The following SSPN variants were observed in gnomAD, a reference collection of about 807,000 sequenced individuals.
SSPN encodes the protein sarcospan, also known as K-ras oncogene-associated protein.
In SSPN, 15 loss-of-function variants were observed where a neutral mutation model predicts 19.1. That is an observed-to-expected ratio of 0.78 (90% CI 0.52 to 1.21). SSPN has a LOEUF of 1.21. Ranked by LOEUF, SSPN falls within the 50% of genes most tolerant of loss-of-function variation. The pLI is 0.00. For missense variants in SSPN, 291 were observed against 314.0 expected, an observed-to-expected ratio of 0.93 and a Z score of 0.55; for synonymous variants, 147 against 140.3, an observed-to-expected ratio of 1.05 and a Z score of -0.34.
intron 1 of SSPN, among the ~76,000 whole-genome samples, chr12:26,201,481 A>C (rs539157075): frequency 6.6e-6 from 1 of 152,250 alleles, no homozygotes; most frequent in African/African-American, 2.4e-5. Flanking sequence ...CAAAATCATT[A>C]GATGTTCAGA....
Position 26,144,386 on chromosome 12 carries a change from G to T in SSPN, c.-31+22234G>T, listed in dbSNP as rs112465554. Among the ~76,000 whole-genome samples, 741 of 152,316 alleles carry T rather than the reference G, an allele frequency of 4.9e-3. 7 individuals are homozygous for T. Among genetic ancestry groups the T allele is most frequent in the African/African-American group, 0.017 (707 of 41,578 alleles). On this transcript the variant is annotated intron_variant, in intron 1 of 2. Coordinates refer to the SSPN transcript ENST00000538142. ...AGTAAAAGACCCAGAGGAGAGTTTG[G>T]TGCCTAAACTAGGAGAGTTTTAAGA...
intron 1 of SSPN, among the ~76,000 whole-genome samples, chr12:26,186,330 G>A (rs775921683): frequency 1.4e-4 from 22 of 152,122 alleles, no homozygotes; most frequent in Non-Finnish European, 2.9e-4. Context: ...GTTAATAAAA[G>A]AGCAACAAAA....
At chr12:26,188,873 G>A (rs187048802) in intron 1 of SSPN, among the ~76,000 whole-genome samples, 116 of 152,142 alleles carry the variant, frequency 7.6e-4, no homozygotes, top group African/African-American at 2.2e-3. Flanking sequence ...ACACAGCACT[G>A]TATTCTCGTA....
chr12:26,123,920 A>G (rs915201200), intron 1 of SSPN: 1 of 740,704 alleles, frequency 1.4e-6, no homozygotes, highest in Non-Finnish European at 2.3e-6. Context: ...AGCTGGGAGC[A>G]CCTACTCCAG....
chr12:26,230,349 A>T (rs1945216496), intron 2 of SSPN, among the ~76,000 whole-genome samples: 1 of 152,208 alleles, frequency 6.6e-6, no homozygotes, highest in African/African-American at 2.4e-5. Flanking sequence ...GAAGTTCTTG[A>T]GTTCAAAATA....
At chr12:26,228,910 C>G (rs1945203820) in intron 2 of SSPN, among the ~76,000 whole-genome samples, 1 of 152,102 alleles carries the variant, frequency 6.6e-6, no homozygotes, top group Non-Finnish European at 1.5e-5. Context: ...CTTTGGGAGG[C>G]TGAGGTGGGA....
intron 1 of SSPN, chr12:26,123,101 G>A (rs1405607875): frequency 3.7e-6 from 6 of 1,608,192 alleles, no homozygotes; most frequent in Non-Finnish European, 5.1e-6. Context: ...CTTCTTTGGC[G>A]CATGTTTGAA....
At chr12:26,155,744 A>G (rs1944552259) in intron 1 of SSPN, among the ~76,000 whole-genome samples, 1 of 152,244 alleles carries the variant, frequency 6.6e-6, no homozygotes, top group Admixed American at 6.5e-5. Flanking sequence ...GCTAACATTA[A>G]TGGCCACTTA....
chr12:26,131,224 A>C (rs989408351), intron 1 of SSPN, among the ~76,000 whole-genome samples: 1 of 152,208 alleles, frequency 6.6e-6, no homozygotes, highest in Admixed American at 6.5e-5. Flanking sequence ...AATTGCACAA[A>C]CTTAACTAAC....
At chr12:26,198,078 G>A (rs1014475474) in intron 1 of SSPN, among the ~76,000 whole-genome samples, 4 of 148,888 alleles carry the variant, frequency 2.7e-5, no homozygotes, top group Non-Finnish European at 6.1e-5. Context: ...AAAAGATAAC[G>A]AGGCAGATGG....
At chr12:26,168,778 A>G (rs1053279556) in intron 1 of SSPN, among the ~76,000 whole-genome samples, 1 of 152,216 alleles carries the variant, frequency 6.6e-6, no homozygotes, top group Non-Finnish European at 1.5e-5. Context: ...GGAAAAATCC[A>G]TACGACTTAG....
chr12:26,197,928 A>G (rs1051744611), intron 1 of SSPN, among the ~76,000 whole-genome samples: 1 of 152,212 alleles, frequency 6.6e-6, no homozygotes, highest in Non-Finnish European at 1.5e-5. Context: ...CTGAGGAGCC[A>G]GGCCAGGAAC....
chr12:26,201,994 A>G (rs892135316), intron 1 of SSPN, among the ~76,000 whole-genome samples: 7 of 152,170 alleles, frequency 4.6e-5, no homozygotes, highest in Admixed American at 6.5e-5. Flanking sequence ...GGGACTCCTG[A>G]TACCAAAATT....
intron 1 of SSPN, among the ~76,000 whole-genome samples, chr12:26,147,175 C>A (rs888528558): frequency 2.6e-5 from 4 of 152,134 alleles, no homozygotes; most frequent in Non-Finnish European, 5.9e-5. Context: ...CATATCTGAG[C>A]TTTAGCTCAG....
chr12:26,200,467 A>G (rs12822456), intron 1 of SSPN, among the ~76,000 whole-genome samples: 2 of 152,226 alleles, frequency 1.3e-5, no homozygotes, highest in African/African-American at 4.8e-5. Context: ...AGCAGAATAT[A>G]CCATGAAACT....
At chr12:26,184,070 A>G (rs1392043207) in intron 1 of SSPN, among the ~76,000 whole-genome samples, 20 of 152,176 alleles carry the variant, frequency 1.3e-4, no homozygotes, top group Admixed American at 1.3e-3. Context: ...CCAATGAGCT[A>G]GAGGGTATGC....
intron 2 of SSPN, among the ~76,000 whole-genome samples, chr12:26,224,785 G>GA (rs137938435): frequency 0.2 from 30,253 of 152,058 alleles, 3,953 homozygotes; most frequent in Admixed American, 0.35. Context: ...CACTGAGACA[G>GA]AAAAAGTACA....
intron 1 of SSPN, among the ~76,000 whole-genome samples, chr12:26,175,096 G>A (rs73084785): frequency 0.094 from 14,266 of 152,142 alleles, 838 homozygotes; most frequent in South Asian, 0.15. Flanking sequence ...TATGATAGAC[G>A]TCTTTAACTT....
At chr12:26,123,833 A>C in intron 1 of SSPN, 1 of 870,278 alleles carries the variant, frequency 1.1e-6, no homozygotes, top group Non-Finnish European at 2.0e-6. Flanking sequence ...CAATTTAAGC[A>C]AACACTTTGA....
Sources: allele counts gnomAD v4.1 joint callset (sites outside exome capture counted in the v4.1 genomes callset), GRCh38; gene constraint gnomAD v4.1.1; transcripts MANE v1.5; gene names NCBI Gene and HGNC (gene_info 2026-07-23, HGNC 2026-07-21).